SMARCA2: variants seen among roughly 807,000 people sequenced by gnomAD.
The protein encoded by SMARCA2 is SWI/SNF related BAF chromatin remodeling complex subunit ATPase 2, also known as SWI/SNF-related matrix-associated actin-dependent regulator of chromatin subfamily A member 2.
Under a neutral mutation model 199.8 loss-of-function variants are expected in SMARCA2, and 61 were observed. That is an observed-to-expected ratio of 0.31 (90% CI 0.25 to 0.38). The LOEUF is 0.38. Among genes scored for constraint, SMARCA2 ranks in the 10% least tolerant of loss-of-function variants. The pLI, the probability that SMARCA2 is intolerant of heterozygous loss-of-function variation, is 1.00. For synonymous variants in SMARCA2, 935 were observed against 732.0 expected, an observed-to-expected ratio of 1.28 and a Z score of -4.48; for missense variants, 1,344 against 2,012.2, an observed-to-expected ratio of 0.67 and a Z score of 6.35.
At chr9:2,096,245 G>C (rs529317914) in intron 19 of SMARCA2, among the ~76,000 whole-genome samples, 3 of 152,272 alleles carry the variant, frequency 2.0e-5, no homozygotes, top group African/African-American at 7.2e-5. Context: ...AAAATCACAG[G>C]ATATTTGCCA....
intron 9 of SMARCA2, among the ~76,000 whole-genome samples, chr9:2,064,552 C>T (rs1335398528): frequency 6.6e-6 from 1 of 152,182 alleles, no homozygotes; most frequent in Non-Finnish European, 1.5e-5. Flanking sequence ...ACCTTTACTG[C>T]ATATTCTTTG....
At chr9:2,118,306 G>A (rs1823302439) in intron 25 of SMARCA2, among the ~76,000 whole-genome samples, 1 of 152,118 alleles carries the variant, frequency 6.6e-6, no homozygotes, top group Non-Finnish European at 1.5e-5. Flanking sequence ...TAGAATAGAA[G>A]GTTTTTCAGA....
chr9:2,107,350 G>A lies in SMARCA2; in HGVS notation c.3293-2904G>A, dbSNP rs188251543. Among the ~76,000 whole-genome samples, 163 of 152,062 alleles carry A rather than the reference G, an allele frequency of 1.1e-3. 3 individuals are homozygous for A. The highest frequency in any genetic ancestry group is 0.01 in the Admixed American group (156 of 15,280). On this transcript the variant is annotated intron_variant, in intron 23 of 33. Coordinates refer to ENST00000349721, the MANE Select transcript of SMARCA2 (RefSeq NM_003070.5). ...TAATTTTATTTTATTTTATTGAGAC[G>A]GAGTCTCGCTCTGTCCCCCAGGCTG...
rs1403118800 is a variant in SMARCA2 at position 2,077,616 on chromosome 9, T to C, written c.2037-13T>C. The C allele has an allele frequency of 6.2e-7, 1 of 1,611,902 alleles. No homozygotes were observed. The highest frequency in any genetic ancestry group is 2.2e-5 in the East Asian group (1 of 44,818). ...CATGTCTGTGTGTGATTCTCCACTTTTTCCTTTCCCAGGACAGCTAAGCAA... is the reference window on the plus strand; with the variant it reads ...CATGTCTGTGTGTGATTCTCCACTTCTTCCTTTCCCAGGACAGCTAAGCAA... On this transcript the variant is annotated splice_polypyrimidine_tract_variant and intron_variant, in intron 13 of 33. Transcript: ENST00000349721.
chr9:2,106,028 GT>G (rs1363279745), intron 23 of SMARCA2, among the ~76,000 whole-genome samples: 1 of 152,206 alleles, frequency 6.6e-6, no homozygotes, highest in Non-Finnish European at 1.5e-5. Context: ...GTTAGTAATA[GT>G]CACAACAGCT....
chr9:2,155,917 C>A (rs1468880658), intron 27 of SMARCA2, among the ~76,000 whole-genome samples: 1 of 151,754 alleles, frequency 6.6e-6, no homozygotes, highest in Non-Finnish European at 1.5e-5. Flanking sequence ...TCCCAGTTGC[C>A]TGACGAATGA....
rs1823172449 is a variant in SMARCA2, at chr9:2,115,339, G to GTA, written c.3457-481_3457-480dup. 1.3e-5 allele frequency among the ~76,000 whole-genome samples: 2 copies of GTA among 152,178 alleles called. No individual in the cohort carries two copies. Among genetic ancestry groups the GTA allele is most frequent in the African/African-American group, 2.4e-5 (1 of 41,440 alleles). On this transcript the variant is annotated intron_variant, in intron 24 of 33. Coordinates refer to ENST00000349721, the MANE Select transcript of SMARCA2 (RefSeq NM_003070.5). This position sits in a 1 kb window ranked among gnomAD's most constrained non-coding sequence, Gnocchi z 6.0. ...GACTACCTGAGCAGTCAGTGTGTGT[G>GTA]TATGTGTGTGTGTGGTAAGATGTAT...
intron 3 of SMARCA2, among the ~76,000 whole-genome samples, chr9:2,034,242 CAAAAAAAAAAAA>C (rs759792374): frequency 7.8e-5 from 5 of 64,134 alleles, no homozygotes; most frequent in African/African-American, 2.8e-4. Flanking sequence ...GACTGCGTCT[CAAAAAAAAAAAA>C]AAAAAAAAAA....
intron 27 of SMARCA2, among the ~76,000 whole-genome samples, chr9:2,129,549 G>A (rs1436599798): frequency 1.3e-5 from 2 of 152,170 alleles, no homozygotes; most frequent in South Asian, 2.1e-4. Flanking sequence ...CACTAACCAG[G>A]GAGTGCTACT....
chr9:2,185,611 C>G (rs1586814003), intron 31 of SMARCA2, among the ~76,000 whole-genome samples: 2 of 152,216 alleles, frequency 1.3e-5, no homozygotes, highest in East Asian at 1.9e-4. Context: ...CTTTCAGCAC[C>G]TACCCAGGGC....
intron 2 of SMARCA2, 33 bp from the exon 3 acceptor site, chr9:2,032,919 A>C: frequency 6.2e-7 from 1 of 1,601,572 alleles, no homozygotes; most frequent in Non-Finnish European, 8.5e-7. Context: ...TACCTTATAG[A>C]GGTGTCTAAC....
chr9:2,160,511 G>C, intron 27 of SMARCA2: 2 of 643,578 alleles, frequency 3.1e-6, no homozygotes, highest in Non-Finnish European at 2.9e-6. Context: ...AGGAAGCGTT[G>C]TACATAAGTG....
Position 2,182,175 on chromosome 9 carries a change from G to C in SMARCA2, c.4394G>C (p.Gly1465Ala), listed in dbSNP as rs1263011581. 5 of 1,613,516 alleles carry C rather than the reference G, an allele frequency of 3.1e-6. No homozygotes were observed. Among genetic ancestry groups the C allele is most frequent in the Non-Finnish European group, 4.2e-6 (5 of 1,179,456 alleles). Residue 1465 changes from glycine to alanine, a missense_variant, in exon 31 of 34, where the codon GGC becomes GCC. Transcript: ENST00000349721. ...RIRNHKYRSL[G>A]DLEKDVMLLC... Reference sequence around the variant, plus strand: ...CGTAATCATAAGTACCGGAGCCTAGGCGACCTGGAGAAGGATGTCATGCTT... The same window carrying C: ...CGTAATCATAAGTACCGGAGCCTAGCCGACCTGGAGAAGGATGTCATGCTT...
intron 7 of SMARCA2, among the ~76,000 whole-genome samples, chr9:2,057,554 A>C (rs1212013980): frequency 6.6e-6 from 1 of 152,228 alleles, no homozygotes; most frequent in Non-Finnish European, 1.5e-5. Flanking sequence ...GGAAAAGGAA[A>C]GTAGAAAGCA....
At chr9:2,040,309 C>A (rs576251564) in intron 4 of SMARCA2, 250 of 303,446 alleles carry the variant, frequency 8.2e-4, no homozygotes, top group Non-Finnish European at 1.3e-3. Context: ...TTGTTTATTT[C>A]TATCCCTTTT....
Position 2,082,004 on chromosome 9 carries a change from A to C in SMARCA2, c.2348+9A>C, listed in dbSNP as rs2130464724. On this transcript the variant is annotated intron_variant, in intron 15 of 33. Coordinates refer to ENST00000349721, the MANE Select transcript of SMARCA2 (RefSeq NM_003070.5). Reference sequence around the variant, plus strand: ...ATCATTGTTCCCCTTTCGTAAGTAAAGTCATTTATTCCACAGTCATCGTTC... The same window carrying C: ...ATCATTGTTCCCCTTTCGTAAGTAACGTCATTTATTCCACAGTCATCGTTC... The C allele has an allele frequency of 1.2e-6, 2 of 1,610,878 alleles. No homozygotes were observed. The highest frequency in any genetic ancestry group is 1.7e-5 in the Admixed American group (1 of 59,808).
chr9:2,139,133 G>T (rs1824345406), intron 27 of SMARCA2, among the ~76,000 whole-genome samples: 4 of 152,176 alleles, frequency 2.6e-5, no homozygotes, highest in South Asian at 2.1e-4. Context: ...CTTGCCACAG[G>T]GGTTTACTGT....
At chr9:2,054,984 C>T (rs62534887) in intron 6 of SMARCA2, among the ~76,000 whole-genome samples, 2 of 152,054 alleles carry the variant, frequency 1.3e-5, no homozygotes, top group Admixed American at 6.5e-5. Flanking sequence ...AGAGTTATGG[C>T]GTTTTGTTAC....
intron 31 of SMARCA2, among the ~76,000 whole-genome samples, chr9:2,185,260 G>A (rs144103917): frequency 2.2e-4 from 33 of 152,338 alleles, no homozygotes; most frequent in African/African-American, 7.7e-4. Context: ...TACTTCGTAT[G>A]AGTAGAATCA....
Sources: gnomAD v4.1 joint callset for allele counts (sites outside exome capture counted in the v4.1 genomes callset) on GRCh38, gnomAD v4.1.1 for gene constraint, Gnocchi (gnomAD v3.1) non-coding constraint, MANE v1.5 for transcripts, NCBI Gene and HGNC (gene_info 2026-07-23, HGNC 2026-07-21) for gene names.